Variants in ENPP2 observed in about 807,000 individuals in gnomAD.
The protein encoded by ENPP2 is autotaxin.
In ENPP2, 51 loss-of-function variants were observed where a neutral mutation model predicts 120.2. The ratio of observed to expected loss-of-function variants is 0.42; its 90% CI spans 0.34 to 0.54. ENPP2 has a LOEUF of 0.54. Among genes scored for constraint, ENPP2 ranks in the 20% least tolerant of loss-of-function variants. ENPP2 has a pLI of 0.04. For missense variants in ENPP2, 920 were observed against 1,066.5 expected (o/e 0.86, Z 1.91); for synonymous variants, 365 against 366.4 (o/e 1.00, Z 0.04).
chr8:119,647,318 G>T (rs748073032), intron 1 of ENPP2, among the ~76,000 whole-genome samples: 1 of 152,078 alleles, frequency 6.6e-6, no homozygotes, highest in Non-Finnish European at 1.5e-5. Context: ...TTTTAAGGCA[G>T]CTCCATCCCT....
chr8:119,592,448 G>A (rs1813575264), intron 12 of ENPP2, among the ~76,000 whole-genome samples: 1 of 140,538 alleles, frequency 7.1e-6, no homozygotes, highest in East Asian at 2.1e-4. Flanking sequence ...ATTCCATCTT[G>A]GGCGATGAGA....
intron 23 of ENPP2, 45 bp from the exon 24 acceptor site, chr8:119,563,058 T>C (rs1027604581): frequency 2.0e-5 from 31 of 1,559,794 alleles, no homozygotes; most frequent in Non-Finnish European, 2.5e-5. Flanking sequence ...TGAGTTGATG[T>C]TGAAGCTTTC....
chr8:119,588,672 A>G (rs1319334668), intron 13 of ENPP2, among the ~76,000 whole-genome samples: 1 of 152,126 alleles, frequency 6.6e-6, no homozygotes, highest in Non-Finnish European at 1.5e-5. Context: ...TCTGACACTC[A>G]AGCAACCTGA....
chr8:119,559,377 G>T (rs1003971037), intron 24 of ENPP2, among the ~76,000 whole-genome samples: 4 of 152,166 alleles, frequency 2.6e-5, no homozygotes, highest in Non-Finnish European at 4.4e-5. Context: ...GTGGACAGGG[G>T]TGAAAAGGTT....
Position 119,583,701 on chromosome 8 carries a change from T to A in ENPP2, c.1543+16A>T. 7.3e-7 allele frequency: 1 copy of A among 1,375,030 alleles called. No individual in the cohort carries two copies. The highest frequency in any genetic ancestry group is 1.4e-5 in the African/African-American group (1 of 69,556). The allele number at this position is 1,375,030 out of a possible 1,614,324, so 85.2% of individuals were successfully genotyped here. A position where few individuals can be genotyped will look rare whatever the true frequency, so the allele number is the denominator to read the frequency against. ...TAAAGATTGTTTCAATGGTTCTGAT[T>A]AAATGAGTGACTTACCACACATAAC... On this transcript the variant is annotated intron_variant, in intron 17 of 24. Transcript: ENST00000075322.
At chr8:119,611,073 G>A (rs1157367713) in intron 8 of ENPP2, among the ~76,000 whole-genome samples, 1 of 152,130 alleles carries the variant, frequency 6.6e-6, no homozygotes, top group African/African-American at 2.4e-5. Context: ...AAATGGGAAT[G>A]ACATTGTATC....
chr8:119,628,991 G>C (rs1816467932), intron 2 of ENPP2, among the ~76,000 whole-genome samples: 1 of 152,034 alleles, frequency 6.6e-6, no homozygotes, highest in South Asian at 2.1e-4. Context: ...TGGTCTTTTT[G>C]TTTGCTTACT....
intron 18 of ENPP2, chr8:119,580,393 T>C: frequency 1.8e-6 from 1 of 563,576 alleles, no homozygotes; most frequent in East Asian, 3.0e-5. Context: ...AATCTCTGTT[T>C]CCTTCCTTAA....
At chr8:119,614,241 A>G (rs936147936) in intron 8 of ENPP2, among the ~76,000 whole-genome samples, 1 of 151,528 alleles carries the variant, frequency 6.6e-6, no homozygotes, top group African/African-American at 2.4e-5. Context: ...AATTTTTTGT[A>G]TCTTTAGTAG....
intron 19 of ENPP2, chr8:119,571,908 C>T: frequency 6.2e-6 from 2 of 321,620 alleles, no homozygotes; most frequent in East Asian, 1.0e-4. Flanking sequence ...AAGACCCTCC[C>T]AGATAGAACT....
intron 2 of ENPP2, among the ~76,000 whole-genome samples, chr8:119,636,295 A>G (rs886789915): frequency 1.3e-5 from 2 of 152,350 alleles, no homozygotes; most frequent in African/African-American, 2.4e-5. Context: ...TCCACTGTCT[A>G]CAGGATGCTT....
At chr8:119,633,150 G>A (rs976681797) in intron 2 of ENPP2, among the ~76,000 whole-genome samples, 12 of 152,154 alleles carry the variant, frequency 7.9e-5, no homozygotes, top group African/African-American at 1.4e-4. Context: ...GAGCCTAACC[G>A]ATGACAAAAG....
intron 13 of ENPP2, among the ~76,000 whole-genome samples, chr8:119,589,984 G>C (rs1563703193): frequency 6.6e-6 from 1 of 151,958 alleles, no homozygotes; most frequent in Non-Finnish European, 1.5e-5. Context: ...CTTCCCAAGG[G>C]CTTAATATCT....
intron 21 of ENPP2, 131 bp from the exon 22 acceptor site, chr8:119,568,383 T>C: frequency 3.2e-6 from 2 of 633,576 alleles, no homozygotes; most frequent in Non-Finnish European, 5.7e-6. Context: ...TACTCTTTTA[T>C]TCCTACTCCT....
At chr8:119,649,073 A>T (rs773524842) in intron 1 of ENPP2, among the ~76,000 whole-genome samples, 1 of 152,116 alleles carries the variant, frequency 6.6e-6, no homozygotes, top group Non-Finnish European at 1.5e-5. Flanking sequence ...ATACACTAAC[A>T]ATAGACAATC....
At chr8:119,575,446 C>T (rs961363037) in intron 19 of ENPP2, among the ~76,000 whole-genome samples, 3 of 152,120 alleles carry the variant, frequency 2.0e-5, no homozygotes, top group African/African-American at 7.2e-5. Flanking sequence ...AAGCAACTTC[C>T]AAACTTTGAT....
chr8:119,564,922 T>C lies in ENPP2; in HGVS notation c.2165A>G (p.Lys722Arg). The C allele has an allele frequency of 1.2e-6, 2 of 1,613,584 alleles. No individual in the cohort carries two copies. Among genetic ancestry groups the C allele is most frequent in the South Asian group, 1.1e-5 (1 of 91,052 alleles). ...TCCATTTCTTTCCGAAGCATATTTC[T>C]TCACCAATACCCTTTGGAAATAATT... ...VWNYFQRVLV[K>R]KYASERNGVN... The change falls in exon 23 of 25, where the codon AAG (lysine) becomes AGG (arginine). Residue 722 changes from lysine to arginine, a missense_variant. Physicochemically the swap from Lys to Arg is conservative, Grantham distance 26. Transcript: ENST00000075322.
At chr8:119,617,382 C>T (rs1815532716) in intron 6 of ENPP2, 84 bp downstream of exon 6, 1 of 1,140,514 alleles carries the variant, frequency 8.8e-7, no homozygotes, top group African/African-American at 1.6e-5. Flanking sequence ...ACTACGTGCC[C>T]ATAGATCTCA....
chr8:119,568,187 G>A lies in ENPP2; in HGVS notation c.2119C>T (p.Pro707Ser). The A allele has an allele frequency of 1.3e-6, 2 of 1,565,574 alleles. No individual in the cohort carries two copies. The highest frequency in any genetic ancestry group is 8.8e-7 in the Non-Finnish European group (1 of 1,136,592). The part of the protein sequence containing the change: ...FLVTNMVPMY[P>S]AFKRVWNYFQ... ...ATATTGGACTTACGTTTGAAAGCAG[G>A]ATACATTGGAACCATATTGGTTACA... Residue 707 changes from proline (P) to serine (S), a missense_variant, in exon 22 of 25, where the codon CCT (proline) becomes TCT (serine). Physicochemically the swap from Pro to Ser is moderately conservative, Grantham distance 74. Coordinates refer to ENST00000075322, the MANE Select transcript of ENPP2 (RefSeq NM_001040092.3).
Sources: allele counts gnomAD v4.1 joint callset (sites outside exome capture counted in the v4.1 genomes callset), GRCh38; gene constraint gnomAD v4.1.1; transcripts MANE v1.5; gene names NCBI Gene and HGNC (gene_info 2026-07-23, HGNC 2026-07-21).